The following APOO variants were observed in gnomAD, a reference collection of about 807,000 sequenced individuals.
The protein encoded by APOO is MICOS complex subunit MIC26.
Under a neutral mutation model 23.1 loss-of-function variants are expected in APOO, and 11 were observed. That is an observed-to-expected ratio of 0.48 (90% CI 0.30 to 0.79). The LOEUF (loss-of-function observed/expected upper bound fraction) is 0.79, where lower values mean the gene tolerates loss of function less well. Among genes scored for constraint, APOO ranks in the 30% least tolerant of loss-of-function variants. APOO has a pLI of 0.07. For synonymous variants in APOO, 59 were observed against 54.8 expected (o/e 1.08, Z -0.34); for missense variants, 160 against 142.7 (o/e 1.12, Z -0.62).
chrX:23,839,674 G>A lies in APOO; in HGVS notation c.*29+639C>T, dbSNP rs6653524. Among the ~76,000 whole-genome samples, 26 of 111,602 alleles carry A rather than the reference G, an allele frequency of 2.3e-4. No homozygotes were observed. The South Asian group carries it at 2.9e-3, about 13-fold the overall frequency. ...CACTGAAAGATACACACTTTCTGTC[G>A]TATCTCCTGGCTTCATCCCCTCTAT... On this transcript the variant is annotated intron_variant, in intron 8 of 8. Transcript: ENST00000379226.
At chrX:23,894,934 C>G (rs1372925725) in intron 1 of APOO, among the ~76,000 whole-genome samples, 1 of 110,898 alleles carries the variant, frequency 9.0e-6, no homozygotes, top group Non-Finnish European at 1.9e-5. Flanking sequence ...CACTTGAGGT[C>G]AGGGGTTCGA....
intron 7 of APOO, among the ~76,000 whole-genome samples, chrX:23,844,383 G>C (rs1240516687): frequency 9.0e-6 from 1 of 111,424 alleles, no homozygotes; most frequent in African/African-American, 3.3e-5. Flanking sequence ...AATTAAGGTT[G>C]CATTGGAATT....
intron 1 of APOO, among the ~76,000 whole-genome samples, chrX:23,881,866 T>C (rs1299385523): frequency 1.0e-5 from 1 of 95,395 alleles, no homozygotes; most frequent in Non-Finnish European, 2.0e-5. Context: ...GAGAATCACC[T>C]GCACCTGGGA....
chrX:23,852,990 G>T (rs1924612976), intron 7 of APOO, among the ~76,000 whole-genome samples: 1 of 110,360 alleles, frequency 9.1e-6, no homozygotes, highest in Non-Finnish European at 1.9e-5. Context: ...GGGCGTGGTG[G>T]CTCACGCCTG....
At chrX:23,834,221 C>T (rs2081463497) in intron 8 of APOO, among the ~76,000 whole-genome samples, 1 of 107,698 alleles carries the variant, frequency 9.3e-6, no homozygotes, top group Non-Finnish European at 1.9e-5. Context: ...ATGGTGAAAT[C>T]CCATCTTTAC....
At chrX:23,854,143 A>G (rs1742605311) in intron 7 of APOO, among the ~76,000 whole-genome samples, 1 of 112,747 alleles carries the variant, frequency 8.9e-6, no homozygotes, top group African/African-American at 3.2e-5. Flanking sequence ...GGTAGCTTTA[A>G]TATCTAATGT....
At position 23,858,700 on chromosome X, in the gene APOO, C is replaced by G. The variant is rs756796573; in HGVS notation, c.422G>C (p.Gly141Ala). ...GAGGGAGGCAGCTAATCCCATGAAA[C>G]CAGGCGGATACACTAGCTTCTTTAT... ...SKIKKLVYPP[G>A]FMGLAASLYY... The change falls in exon 6 of 9, where the codon GGT becomes GCT. Residue 141 changes from glycine to alanine, a missense_variant. Physicochemically the swap from Gly to Ala is moderately conservative, Grantham distance 60. Coordinates refer to ENST00000379226, the MANE Select transcript of APOO (RefSeq NM_024122.5). 8.3e-7 allele frequency: 1 copy of G among 1,211,054 alleles called. No homozygotes were observed. The highest frequency in any genetic ancestry group is 1.1e-6 in the Non-Finnish European group (1 of 895,132).
At chrX:23,860,572 GC>G (rs781151065) in intron 5 of APOO, among the ~76,000 whole-genome samples, 2 of 109,974 alleles carry the variant, frequency 1.8e-5, no homozygotes, top group African/African-American at 6.6e-5. Context: ...GAGTGCAGTG[GC>G]ACAATCATGG....
Position 23,907,762 on chromosome X carries a change from G to C in APOO, c.-60C>G. ...CGGCCTCGGCCACGCCCACTATAGA[G>C]AGGTGACTACGGAGGCCCGGTAGGG... On this transcript the variant is annotated 5_prime_UTR_variant, in exon 1 of 9. Transcript: ENST00000379226. 8.8e-7 allele frequency: 1 copy of C among 1,131,057 alleles called. No individual in the cohort carries two copies. The highest frequency in any genetic ancestry group is 1.2e-6 in the Non-Finnish European group (1 of 853,210). 93.2% of individuals were successfully genotyped at this position (1,131,057 alleles called of 1,213,427 possible).
chrX:23,842,735 G>A (rs1276325058), intron 7 of APOO, among the ~76,000 whole-genome samples: 1 of 111,816 alleles, frequency 8.9e-6, no homozygotes, highest in Non-Finnish European at 1.9e-5. Flanking sequence ...TCGGCAGGGC[G>A]TGGTGGCTCA....
At chrX:23,854,098 C>G (rs1191268643) in intron 7 of APOO, among the ~76,000 whole-genome samples, 1 of 112,480 alleles carries the variant, frequency 8.9e-6, no homozygotes, top group Admixed American at 9.5e-5. Flanking sequence ...AAAATCTTTA[C>G]CACCTCACTC....
chrX:23,896,135 G>A (rs1417606098), intron 1 of APOO, among the ~76,000 whole-genome samples: 3 of 110,109 alleles, frequency 2.7e-5, no homozygotes, highest in African/African-American at 9.9e-5. Flanking sequence ...GGACGTGGTG[G>A]TGCACGCCTG....
In APOO at chrX:23,880,860, G is replaced by C. The variant is rs145178205; in HGVS notation, c.102C>G (p.Ser34=). 2.6e-5 allele frequency: 31 copies of C among 1,178,706 alleles called. No homozygotes were observed. In the African/African-American group the frequency reaches 5.0e-4, roughly 19 times the overall value. ...AACATGTTACCTCATCAACCTTCAC[G>C]GAATTTTTGGGAGGTGAGTCCTTTT... is the stretch of plus-strand genomic sequence containing the variant. The part of the protein sequence containing the change: ...APKKDSPPKN[S]VKVDELSLYS... The change falls in exon 2 of 9, where the codon TCC becomes TCG. Residue 34 remains serine, a synonymous_variant. Coordinates refer to ENST00000379226, the MANE Select transcript of APOO (RefSeq NM_024122.5).
In APOO at chrX:23,907,732, C is replaced by T; in HGVS notation, c.-30G>A. On this transcript the variant is annotated 5_prime_UTR_variant, in exon 1 of 9. Coordinates refer to ENST00000379226, the MANE Select transcript of APOO (RefSeq NM_024122.5). ...CTGGCAGCGGAGGCTCCGGCAGGGT[C>T]ACCCCGGCCTCGGCCACGCCCACTA... The T allele has an allele frequency of 1.7e-6, 2 of 1,159,992 alleles. No homozygotes were observed. The highest frequency in any genetic ancestry group is 2.3e-6 in the Non-Finnish European group (2 of 870,279).
intron 1 of APOO, among the ~76,000 whole-genome samples, chrX:23,899,693 T>C (rs945705779): frequency 8.9e-6 from 1 of 112,295 alleles, no homozygotes; most frequent in African/African-American, 3.2e-5. Flanking sequence ...AAGTCTAAAC[T>C]TTTTGAAACA....
At chrX:23,900,542 GT>G (rs2147050973) in intron 1 of APOO, among the ~76,000 whole-genome samples, 1 of 109,792 alleles carries the variant, frequency 9.1e-6, no homozygotes, top group South Asian at 3.9e-4. Flanking sequence ...AGGCGTGCTG[GT>G]GCATGCCTGT....
chrX:23,880,469 G>C (rs1245354483), intron 2 of APOO, among the ~76,000 whole-genome samples: 1 of 111,644 alleles, frequency 9.0e-6, no homozygotes, highest in Non-Finnish European at 1.9e-5. Flanking sequence ...GGAGGCCGAG[G>C]CAGGTGGATC....
intron 1 of APOO, among the ~76,000 whole-genome samples, chrX:23,899,927 T>C (rs1477445215): frequency 8.9e-6 from 1 of 112,224 alleles, no homozygotes; most frequent in African/African-American, 3.2e-5. Flanking sequence ...CATGGGGTAA[T>C]CAATTCATTT....
chrX:23,864,613 A>C (rs1232663463), intron 5 of APOO, among the ~76,000 whole-genome samples: 1 of 112,096 alleles, frequency 8.9e-6, no homozygotes, highest in East Asian at 2.8e-4. Context: ...GAATGTGTAC[A>C]TTAATCCTTA....
Sources: gnomAD v4.1 joint callset for allele counts (sites outside exome capture counted in the v4.1 genomes callset) on GRCh38, gnomAD v4.1.1 for gene constraint, MANE v1.5 for transcripts, NCBI Gene and HGNC (gene_info 2026-07-23, HGNC 2026-07-21) for gene names.